The following TMEM182 variants were observed in gnomAD, a reference collection of about 807,000 sequenced individuals.
TMEM182 encodes transmembrane protein 182.
In TMEM182, 20 loss-of-function variants were observed where a neutral mutation model predicts 26.8. That is an observed-to-expected ratio of 0.75 (90% confidence interval 0.53 to 1.09). TMEM182 has a LOEUF of 1.09. Ranked by LOEUF, TMEM182 falls within the 50% of genes least tolerant of loss-of-function variation. The pLI is 0.00. For synonymous variants in TMEM182, 109 were observed against 102.2 expected, an observed-to-expected ratio of 1.07 and a Z score of -0.40; for missense variants, 277 against 275.5, an observed-to-expected ratio of 1.01 and a Z score of -0.04.
At chr2:102,780,679 T>G (rs1252229113) in intron 3 of TMEM182, among the ~76,000 whole-genome samples, 1 of 152,188 alleles carries the variant, frequency 6.6e-6, no homozygotes, top group Non-Finnish European at 1.5e-5. Flanking sequence ...TCCAGGCTCC[T>G]TATTCAGCTT....
At chr2:102,802,908 C>G (rs971154424) in intron 4 of TMEM182, among the ~76,000 whole-genome samples, 4 of 152,124 alleles carry the variant, frequency 2.6e-5, no homozygotes, top group Non-Finnish European at 5.9e-5. Flanking sequence ...TCTTAAATGG[C>G]AAACTGGGAT....
intron 3 of TMEM182, among the ~76,000 whole-genome samples, chr2:102,841,460 C>A (rs1683348885): frequency 6.6e-6 from 1 of 152,096 alleles, no homozygotes; most frequent in African/African-American, 2.4e-5. Context: ...GTCATTAAAA[C>A]CGGGAGAAGA....
chr2:102,819,166 T>C (rs1480853568), downstream of TMEM182, among the ~76,000 whole-genome samples: 1 of 152,220 alleles, frequency 6.6e-6, no homozygotes, highest in Non-Finnish European at 1.5e-5. Flanking sequence ...TCTTAGCATT[T>C]TTCCCCATTA....
At chr2:102,842,402 T>G (rs1458610338) in intron 3 of TMEM182, among the ~76,000 whole-genome samples, 5 of 152,222 alleles carry the variant, frequency 3.3e-5, no homozygotes, top group African/African-American at 1.2e-4. Flanking sequence ...TGCACTATCT[T>G]CTGTGTCTAC....
chr2:102,752,950 G>T (rs2540310), intron 1 of TMEM182, among the ~76,000 whole-genome samples: 1 of 152,062 alleles, frequency 6.6e-6, no homozygotes, highest in Non-Finnish European at 1.5e-5. Flanking sequence ...TAATATGCAA[G>T]CTTAGAAAGA....
intron 1 of TMEM182, 27 bp from the exon 2 acceptor site, chr2:102,762,560 C>T: frequency 6.3e-7 from 1 of 1,592,014 alleles, no homozygotes; most frequent in African/African-American, 1.4e-5. Flanking sequence ...GTATTGATGG[C>T]AAGTTACTTC....
intron 3 of TMEM182, among the ~76,000 whole-genome samples, chr2:102,781,086 G>A (rs1377113064): frequency 2.6e-5 from 4 of 152,256 alleles, no homozygotes; most frequent in African/African-American, 9.6e-5. Flanking sequence ...TCTTATGCTT[G>A]TTTTATAGGA....
intron 1 of TMEM182, among the ~76,000 whole-genome samples, chr2:102,754,061 A>G (rs937406892): frequency 5.3e-5 from 8 of 152,218 alleles, no homozygotes; most frequent in Non-Finnish European, 1.0e-4. Context: ...AAGGGTCAGT[A>G]GAATCACAGA....
chr2:102,814,660 T>C (rs1417580144), intron 4 of TMEM182, 88 bp from the exon 5 acceptor site: 14 of 1,182,870 alleles, frequency 1.2e-5, no homozygotes, highest in Admixed American at 5.1e-5. Context: ...TTGCAGGAGC[T>C]TGTCATCCGG....
chr2:102,774,464 C>T (rs930331797), intron 3 of TMEM182, among the ~76,000 whole-genome samples: 2 of 151,024 alleles, frequency 1.3e-5, no homozygotes, highest in Admixed American at 1.3e-4. Flanking sequence ...GGGGTTTCAC[C>T]GTGTGTTAGC....
In TMEM182 at chr2:102,756,058, C is replaced by G. The variant is rs553717457; in HGVS notation, c.-82-2331C>G. On this transcript the variant is annotated intron_variant, in intron 1 of 5. Transcript: ENST00000409173. ...CAGGTAGATGGAAGAAAAAAGCATTCTAATCAGATGGGGAACAAGCAAAGA... is the reference window on the plus strand; with the variant it reads ...CAGGTAGATGGAAGAAAAAAGCATTGTAATCAGATGGGGAACAAGCAAAGA... Among the ~76,000 whole-genome samples, 3 of 152,238 alleles carry G rather than the reference C, an allele frequency of 2.0e-5. No homozygotes were observed. The South Asian group carries it at 6.2e-4, about 32-fold the overall frequency.
chr2:102,784,824 C>T (rs1192742314), intron 3 of TMEM182, among the ~76,000 whole-genome samples: 3 of 152,168 alleles, frequency 2.0e-5, no homozygotes, highest in Non-Finnish European at 4.4e-5. Flanking sequence ...GCAGCGAGGA[C>T]AACCAGAGGT....
upstream of TMEM182, among the ~76,000 whole-genome samples, chr2:102,758,791 A>G (rs17027907): frequency 1.4e-3 from 213 of 152,352 alleles, 2 homozygotes; most frequent in African/African-American, 4.9e-3. Context: ...CAGTTTTATG[A>G]TAGCAAAAGT....
chr2:102,778,068 T>G (rs1264337232), intron 3 of TMEM182, among the ~76,000 whole-genome samples: 1 of 152,080 alleles, frequency 6.6e-6, no homozygotes, highest in African/African-American at 2.4e-5. Flanking sequence ...TTTCTAGTTT[T>G]CTGTGTAGTT....
chr2:102,806,220 T>C (rs1682339991), intron 4 of TMEM182, among the ~76,000 whole-genome samples: 1 of 152,082 alleles, frequency 6.6e-6, no homozygotes, highest in African/African-American at 2.4e-5. Context: ...TACATTTTCG[T>C]GTATGGAAAG....
upstream of TMEM182, chr2:102,758,321 T>A: frequency 1.6e-6 from 1 of 613,590 alleles, no homozygotes. Context: ...TCCTAGTGCA[T>A]GGACATTTTC....
At chr2:102,810,685 G>A (rs188623983) in intron 4 of TMEM182, among the ~76,000 whole-genome samples, 14 of 152,098 alleles carry the variant, frequency 9.2e-5, no homozygotes, top group African/African-American at 2.7e-4. Context: ...ATTCGGGGCT[G>A]GGTTTTGATT....
intron 3 of TMEM182, among the ~76,000 whole-genome samples, chr2:102,779,344 C>T (rs1025109642): frequency 1.6e-4 from 24 of 152,132 alleles, no homozygotes; most frequent in African/African-American, 5.5e-4. Flanking sequence ...CTTAGCTCCT[C>T]AATACTTTAG....
chr2:102,762,868 T>C lies in TMEM182; in HGVS notation c.232+182T>C, dbSNP rs543124067. 4.6e-5 allele frequency among the ~76,000 whole-genome samples: 7 copies of C among 152,312 alleles called. No individual in the cohort carries two copies. In the South Asian group the frequency reaches 1.2e-3, roughly 27 times the overall value. The stretch of plus-strand genomic sequence containing the variant: ...TAAGTAGACATGGCTATAGGAATAA[T>C]TATTTTATCTTTTAGCATAAAACAG... On this transcript the variant is annotated intron_variant, in intron 2 of 4. Transcript: ENST00000412401.
Sources: gnomAD v4.1 joint callset for allele counts (sites outside exome capture counted in the v4.1 genomes callset) on GRCh38, gnomAD v4.1.1 for gene constraint, MANE v1.5 for transcripts, NCBI Gene and HGNC (gene_info 2026-07-23, HGNC 2026-07-21) for gene names.